The following PARG variants were observed in gnomAD, a reference collection of about 807,000 sequenced individuals.
The protein encoded by PARG is poly(ADP-ribose) glycohydrolase, also known as mitochondrial poly(ADP-ribose) glycohydrolase.
PARG carries 35 observed loss-of-function variants against 113.0 expected under a neutral mutation model. The observed-to-expected ratio is 0.31, with a 90% CI of 0.24 to 0.41. The LOEUF (loss-of-function observed/expected upper bound fraction) is 0.41, where lower values mean the gene tolerates loss of function less well. Among genes scored for constraint, PARG ranks in the 10% least tolerant of loss-of-function variants. The pLI, the probability that PARG is intolerant of heterozygous loss-of-function variation, is 1.00. For missense variants in PARG, 797 were observed against 1,169.4 expected, an observed-to-expected ratio of 0.68 and a Z score of 4.64; for synonymous variants, 330 against 409.9, an observed-to-expected ratio of 0.81 and a Z score of 2.36.
chr10:49,932,857 T>C (rs1838558678), intron 3 of PARG, among the ~76,000 whole-genome samples: 1 of 150,420 alleles, frequency 6.6e-6, no homozygotes, highest in Non-Finnish European at 1.5e-5. Flanking sequence ...TAATATACAA[T>C]GGTCTAGAAG....
intron 8 of PARG, among the ~76,000 whole-genome samples, chr10:49,883,053 C>A (rs1847291542): frequency 6.6e-6 from 1 of 151,914 alleles, no homozygotes; most frequent in Admixed American, 6.6e-5. Flanking sequence ...ATTTCCCCTG[C>A]CCAATAGTAA....
At chr10:49,892,977 C>T (rs184597324) in intron 7 of PARG, among the ~76,000 whole-genome samples, 190 of 152,258 alleles carry the variant, frequency 1.2e-3, no homozygotes, top group African/African-American at 4.4e-3. Context: ...TATTCATTCT[C>T]TTGTTGATAG....
intron 12 of PARG, among the ~76,000 whole-genome samples, chr10:49,858,999 G>A (rs1846125485): frequency 6.6e-6 from 1 of 151,698 alleles, no homozygotes; most frequent in Non-Finnish European, 1.5e-5. Flanking sequence ...ATGAGAAGAT[G>A]ATTATTGAAG....
At chr10:49,939,216 T>A (rs1396981286) in intron 1 of PARG, among the ~76,000 whole-genome samples, 2,628 of 152,320 alleles carry the variant, frequency 0.017, 77 homozygotes, top group African/African-American at 0.058. Context: ...CTCTGAAATC[T>A]ACATCCTAAA....
chr10:49,899,776 C>G (rs1490211629), intron 7 of PARG, among the ~76,000 whole-genome samples: 20 of 152,134 alleles, frequency 1.3e-4, no homozygotes, highest in Non-Finnish European at 2.4e-4. Flanking sequence ...CCTTGCCCCT[C>G]TACTTTCTTT....
At position 49,933,572 on chromosome 10, in the gene PARG, A is replaced by G; in HGVS notation, c.876T>C (p.Pro292=). Residue 292 remains proline, a synonymous_variant, in exon 3 of 18, where the codon CCT becomes CCC. Transcript: ENST00000616448. ...TRQESCLGNS[P]PFEKESEPES... The stretch of plus-strand genomic sequence containing the variant: ...CGGGTTCACTTTCCTTCTCAAATGG[A>G]GGAGAATTTCCTAGGCAACTTTCTT... 6.2e-7 allele frequency: 1 copy of G among 1,611,670 alleles called. No homozygotes were observed. The highest frequency in any genetic ancestry group is 1.1e-5 in the South Asian group (1 of 90,976).
chr10:49,888,283 AAAGTCT>A (rs1847597596), intron 7 of PARG, among the ~76,000 whole-genome samples: 1 of 151,852 alleles, frequency 6.6e-6, no homozygotes, highest in African/African-American at 2.4e-5. Context: ...AAGTTTTTAA[AAAGTCT>A]ATTACATTTA....
At chr10:49,885,137 T>C (rs1847412161) in intron 8 of PARG, 66 bp downstream of exon 8, 1 of 842,856 alleles carries the variant, frequency 1.2e-6, no homozygotes, top group Non-Finnish European at 2.1e-6. Flanking sequence ...ACCCTGGCCA[T>C]TCGAGTTTAA....
At chr10:49,825,155 A>G (rs1018729541) in intron 16 of PARG, among the ~76,000 whole-genome samples, 5 of 152,094 alleles carry the variant, frequency 3.3e-5, no homozygotes, top group Non-Finnish European at 1.5e-5. Context: ...TTTCTACCAC[A>G]CAGCACTCTT....
intron 16 of PARG, among the ~76,000 whole-genome samples, chr10:49,831,577 T>C (rs183892987): frequency 3.3e-5 from 5 of 152,316 alleles, no homozygotes; most frequent in South Asian, 4.1e-4. Context: ...CTCAATCATG[T>C]GGCCAATGAT....
intron 17 of PARG, 145 bp downstream of exon 17, chr10:49,820,020 C>T: frequency 1.7e-6 from 1 of 601,964 alleles, no homozygotes; most frequent in Non-Finnish European, 2.9e-6. Context: ...GCAAATGCTG[C>T]CCCTCTGAGG....
chr10:49,907,590 T>TA (rs1414063406), intron 7 of PARG, among the ~76,000 whole-genome samples: 1 of 152,180 alleles, frequency 6.6e-6, no homozygotes, highest in Non-Finnish European at 1.5e-5. Context: ...CAGATAAAAA[T>TA]ACTACAATAG....
intron 2 of PARG, among the ~76,000 whole-genome samples, 197 bp downstream of exon 2, chr10:49,934,879 T>C (rs1838674232): frequency 6.6e-6 from 1 of 151,792 alleles, no homozygotes; most frequent in Admixed American, 6.6e-5. Context: ...ACTATTCCTC[T>C]CTCATCTTGG....
At chr10:49,882,112 T>C (rs1554839576) in intron 8 of PARG, among the ~76,000 whole-genome samples, 3 of 151,966 alleles carry the variant, frequency 2.0e-5, no homozygotes. Context: ...AATAAACAAA[T>C]AGTATAATTT....
intron 4 of PARG, among the ~76,000 whole-genome samples, chr10:49,926,283 A>G (rs1346455487): frequency 2.0e-5 from 3 of 151,966 alleles, no homozygotes; most frequent in Non-Finnish European, 1.5e-5. Flanking sequence ...GGTTATTTGA[A>G]GAGAAACCTC....
rs564493235 is a variant in PARG, at chr10:49,869,679, A to G, written c.1989-124T>C. The G allele has an allele frequency of 2.2e-4, 127 of 588,816 alleles. 3 individuals are homozygous for G. The South Asian group carries it at 2.3e-3, about 11-fold the overall frequency. The allele number at this position is 588,816 out of a possible 1,614,324, so 36.5% of individuals were successfully genotyped here. A position where few individuals can be genotyped will look rare whatever the true frequency, so the allele number is the denominator to read the frequency against. On this transcript the variant is annotated intron_variant, in intron 9 of 17. Transcript: ENST00000616448. ...AATTCTTCCAGAAGACAATTCTGTA[A>G]TGATAAGAACTGGAAAATTGGTTTA...
At chr10:49,894,534 G>T (rs1713710323) in intron 7 of PARG, among the ~76,000 whole-genome samples, 1 of 151,954 alleles carries the variant, frequency 6.6e-6, no homozygotes, top group African/African-American at 2.4e-5. Flanking sequence ...TTAGAATTTA[G>T]AATTATTTTC....
At chr10:49,883,966 C>T (rs1348536296) in intron 8 of PARG, among the ~76,000 whole-genome samples, 16 of 151,818 alleles carry the variant, frequency 1.1e-4, no homozygotes, top group Non-Finnish European at 2.1e-4. Context: ...GGATTGCTTG[C>T]TCTGGGGAAG....
intron 15 of PARG, among the ~76,000 whole-genome samples, chr10:49,840,403 A>C (rs1180358218): frequency 6.6e-6 from 1 of 151,432 alleles, no homozygotes; most frequent in Non-Finnish European, 1.5e-5. Context: ...AAAAAAAAAA[A>C]CAAAAAACAC....
Sources: allele counts gnomAD v4.1 joint callset (sites outside exome capture counted in the v4.1 genomes callset), GRCh38; gene constraint gnomAD v4.1.1; transcripts MANE v1.5; gene names NCBI Gene and HGNC (gene_info 2026-07-23, HGNC 2026-07-21).